The following GLRA2 variants were observed in gnomAD, a reference collection of about 807,000 sequenced individuals.
GLRA2 encodes the protein glycine receptor alpha 2.
A neutral mutation model predicts 31.6 loss-of-function variants in GLRA2; 11 were observed. The ratio of observed to expected loss-of-function variants is 0.35; its 90% confidence interval spans 0.22 to 0.58. The LOEUF is 0.58. GLRA2 is among the 20% of genes least tolerant of loss of function. The pLI is 0.84. For missense variants in GLRA2, 212 were observed against 351.8 expected (o/e 0.60, Z 3.18); for synonymous variants, 132 against 134.0 (o/e 0.99, Z 0.10).
At chrX:14,591,307 C>T (rs959247051) in intron 4 of GLRA2, among the ~76,000 whole-genome samples, 2 of 111,699 alleles carry the variant, frequency 1.8e-5, no homozygotes. Flanking sequence ...AGTTGAGGAA[C>T]AAGGAAGCCA....
chrX:14,459,452 A>G, the GLRA2 span, among the ~76,000 whole-genome samples: 1 of 110,262 alleles, frequency 9.1e-6, no homozygotes, highest in Non-Finnish European at 1.9e-5. Flanking sequence ...GAATCTATAA[A>G]TTACCTTGGG....
intron 7 of GLRA2, among the ~76,000 whole-genome samples, chrX:14,665,423 T>G (rs1383447959): frequency 8.9e-6 from 1 of 112,228 alleles, no homozygotes; most frequent in African/African-American, 3.2e-5. Context: ...ATTAGCTGAT[T>G]TAGAAAGTTG....
chrX:14,695,828 A>T (rs1197187784), intron 8 of GLRA2, among the ~76,000 whole-genome samples: 1 of 111,665 alleles, frequency 9.0e-6, no homozygotes. Flanking sequence ...GGTTTGAGGA[A>T]GAAGGATCAA....
chrX:14,558,359 A>G (rs987556880), intron 2 of GLRA2, among the ~76,000 whole-genome samples: 3 of 112,217 alleles, frequency 2.7e-5, no homozygotes, highest in Admixed American at 9.5e-5. Flanking sequence ...CAGAATTAAC[A>G]GGCTCAGAGA....
the GLRA2 span, among the ~76,000 whole-genome samples, chrX:14,462,780 G>C: frequency 9.0e-6 from 1 of 111,521 alleles, no homozygotes; most frequent in African/African-American, 3.3e-5. Flanking sequence ...TCCTTGTGAT[G>C]GGTTAGAACA....
chrX:14,585,977 G>T (rs955995026), intron 4 of GLRA2, among the ~76,000 whole-genome samples: 1 of 111,804 alleles, frequency 8.9e-6, no homozygotes, highest in African/African-American at 3.3e-5. Flanking sequence ...ATTTAATCTG[G>T]GAAAAATTCC....
At chrX:14,473,616 T>C in the GLRA2 span, among the ~76,000 whole-genome samples, 1 of 111,569 alleles carries the variant, frequency 9.0e-6, no homozygotes, top group Non-Finnish European at 1.9e-5. Context: ...GCCATTCTGC[T>C]CTGGGCATCC....
chrX:14,490,714 G>A, the GLRA2 span, among the ~76,000 whole-genome samples: 1 of 111,785 alleles, frequency 8.9e-6, no homozygotes, highest in Admixed American at 9.5e-5. Flanking sequence ...ATGCTAAATC[G>A]GTGGTAGTGG....
At chrX:14,532,567 T>G (rs2089271133) in intron 2 of GLRA2, among the ~76,000 whole-genome samples, 195 bp downstream of exon 2, 1 of 112,107 alleles carries the variant, frequency 8.9e-6, no homozygotes, top group Non-Finnish European at 1.9e-5. Context: ...TTGAAAACTT[T>G]CCTTGTTTGT....
the GLRA2 span, among the ~76,000 whole-genome samples, chrX:14,469,840 TATA>T: frequency 1.0e-4 from 11 of 109,853 alleles, no homozygotes; most frequent in East Asian, 8.5e-4. Context: ...AAACTTAAAA[TATA>T]ATAATAATTT....
chrX:14,490,846 A>G, the GLRA2 span, among the ~76,000 whole-genome samples: 1 of 112,045 alleles, frequency 8.9e-6, no homozygotes, highest in East Asian at 2.8e-4. Context: ...TGGACATTTT[A>G]TAAGGCTATC....
the GLRA2 span, among the ~76,000 whole-genome samples, chrX:14,461,686 C>T: frequency 9.0e-6 from 1 of 111,244 alleles, no homozygotes; most frequent in Admixed American, 9.6e-5. Context: ...CTTTTTTGTG[C>T]TTTCCATTTA....
chrX:14,648,973 T>C (rs183608558), intron 7 of GLRA2, among the ~76,000 whole-genome samples: 1 of 111,852 alleles, frequency 8.9e-6, no homozygotes, highest in Admixed American at 9.5e-5. Flanking sequence ...CCCAGCACTT[T>C]GCAAGGCCGA....
the GLRA2 span, among the ~76,000 whole-genome samples, chrX:14,467,892 C>T: frequency 2.3e-4 from 26 of 110,867 alleles, no homozygotes; most frequent in Non-Finnish European, 4.2e-4. Flanking sequence ...CAGAGAGGAG[C>T]ATTTCATATT....
intron 4 of GLRA2, among the ~76,000 whole-genome samples, chrX:14,583,038 G>T (rs1412074537): frequency 9.0e-6 from 1 of 111,294 alleles, no homozygotes; most frequent in Non-Finnish European, 1.9e-5. Context: ...ATGGCTATCT[G>T]TATTTTAAAA....
the GLRA2 span, among the ~76,000 whole-genome samples, chrX:14,460,385 A>G: frequency 2.1e-4 from 24 of 112,000 alleles, 1 homozygote; most frequent in South Asian, 8.6e-3. Flanking sequence ...TGCTGGCCAC[A>G]TAAAATGCGT....
the GLRA2 span, among the ~76,000 whole-genome samples, chrX:14,510,513 G>A: frequency 9.0e-6 from 1 of 111,000 alleles, no homozygotes; most frequent in Non-Finnish European, 1.9e-5. Flanking sequence ...GACAAAGGGG[G>A]AAAACAGAGT....
chrX:14,538,425 C>A (rs1391987129), intron 2 of GLRA2, among the ~76,000 whole-genome samples: 1 of 111,748 alleles, frequency 8.9e-6, no homozygotes, highest in African/African-American at 3.2e-5. Context: ...ATTGTGAAAA[C>A]AGCTGCTTGA....
the GLRA2 span, among the ~76,000 whole-genome samples, chrX:14,524,133 CTG>C: frequency 8.9e-6 from 1 of 112,210 alleles, no homozygotes. Context: ...AATGCAATAT[CTG>C]TGAAACAATA....
Sources: allele counts gnomAD v4.1 joint callset (sites outside exome capture counted in the v4.1 genomes callset), GRCh38; gene constraint gnomAD v4.1.1; transcripts MANE v1.5; gene names NCBI Gene and HGNC (gene_info 2026-07-23, HGNC 2026-07-21).